The following TUBB6 variants were observed in gnomAD, a reference collection of about 807,000 sequenced individuals.
TUBB6 encodes tubulin beta-6 chain.
Under a neutral mutation model 32.3 loss-of-function variants are expected in TUBB6, and 18 were observed. The observed-to-expected ratio is 0.56, with a 90% CI of 0.39 to 0.83. TUBB6 has a LOEUF of 0.83. Among genes scored for constraint, TUBB6 ranks in the 40% least tolerant of loss-of-function variants. The probability of loss-of-function intolerance (pLI) is 0.00; values close to 1 mark genes in which losing one functional copy is unlikely to be tolerated. For synonymous variants in TUBB6, 280 were observed against 265.8 expected (o/e 1.05, Z -0.52); for missense variants, 480 against 632.0 (o/e 0.76, Z 2.58).
chr18:12,329,535 GAC>G, downstream of TUBB6: 1 of 1,599,642 alleles, frequency 6.3e-7, no homozygotes, highest in Non-Finnish European at 8.6e-7. Context: ...AACCACAGTG[GAC>G]AGACTGAGAT....
At chr18:12,329,047 A>T, downstream of TUBB6, 1 of 679,104 alleles carries the variant, frequency 1.5e-6, no homozygotes, top group South Asian at 1.5e-5. Context: ...CCTGTAGAAA[A>T]CCATTCCATT....
rs1161994319 is a variant in TUBB6 at position 12,325,568 on chromosome 18, TC to T, written c.782del (p.Pro261ArgfsTer24). The T allele has an allele frequency of 6.2e-7, 1 of 1,614,066 alleles. No homozygotes were observed. Among genetic ancestry groups the T allele is most frequent in the Non-Finnish European group, 8.5e-7 (1 of 1,180,028 alleles). On this transcript the variant is annotated frameshift_variant, in exon 4 of 4. Transcript: ENST00000317702. LOFTEE classifies it high-confidence loss of function. ...AAGCTGGCGGTGAACATGGTGCCCT[TC>T]CCGCGCCTGCACTTCTTCATGCCTG... The part of the protein sequence containing the change: ...LRKLAVNMVP[F>X]PRLHFFMPGF...
downstream of TUBB6, chr18:12,329,269 C>T: frequency 1.4e-6 from 1 of 700,410 alleles, no homozygotes; most frequent in East Asian, 2.7e-5. Flanking sequence ...GCCGACCCCA[C>T]TTGGTGCCAC....
downstream of TUBB6, chr18:12,329,129 C>G: frequency 1.4e-6 from 1 of 702,928 alleles, no homozygotes; most frequent in Non-Finnish European, 2.6e-6. Context: ...TATCAAGACT[C>G]CAATTTAATT....
At chr18:12,322,438 T>C (rs1907040945) in intron 3 of TUBB6, among the ~76,000 whole-genome samples, 1 of 151,224 alleles carries the variant, frequency 6.6e-6, no homozygotes, top group Non-Finnish European at 1.5e-5. Context: ...CACTGCAACC[T>C]CCATCTTCTA....
In TUBB6 at chr18:12,325,581, C is replaced by A; in HGVS notation, c.792C>A (p.His264Gln). ...AVNMVPFPRL[H>Q]FFMPGFAPLT... ...ACATGGTGCCCTTCCCGCGCCTGCA[C>A]TTCTTCATGCCTGGCTTCGCGCCGC... Residue 264 changes from histidine (H) to glutamine (Q), a missense_variant, in exon 4 of 4, where the codon CAC (histidine) becomes CAA (glutamine). By Grantham distance (24) the His-to-Gln change is conservative. Coordinates refer to ENST00000317702, the MANE Select transcript of TUBB6 (RefSeq NM_032525.3). The A allele has an allele frequency of 6.2e-7, 1 of 1,614,012 alleles. No individual in the cohort carries two copies. The highest frequency in any genetic ancestry group is 8.5e-7 in the Non-Finnish European group (1 of 1,179,964).
intron 3 of TUBB6, among the ~76,000 whole-genome samples, chr18:12,319,453 C>T (rs543946681): frequency 6.6e-6 from 1 of 152,150 alleles, no homozygotes; most frequent in South Asian, 2.1e-4. Context: ...GCCCTGCTGA[C>T]ATTTTTCTGT....
intron 3 of TUBB6, among the ~76,000 whole-genome samples, chr18:12,321,428 G>A (rs1369332366): frequency 1.3e-5 from 2 of 152,168 alleles, no homozygotes; most frequent in Admixed American, 6.5e-5. Flanking sequence ...TTGTGAGCAG[G>A]CCCGTGTCCC....
At chr18:12,317,153 CAAA>C (rs773323455) in intron 3 of TUBB6, among the ~76,000 whole-genome samples, 7 of 66,344 alleles carry the variant, frequency 1.1e-4, no homozygotes, top group Non-Finnish European at 9.7e-5. Context: ...GAGACCCTGT[CAAA>C]AAAAAAAAAA....
At chr18:12,317,182 A>G (rs945608622) in intron 3 of TUBB6, among the ~76,000 whole-genome samples, 3 of 151,206 alleles carry the variant, frequency 2.0e-5, no homozygotes, top group African/African-American at 7.3e-5. Flanking sequence ...AAAACTTCCC[A>G]GTTGGGCAGT....
chr18:12,312,370 G>C (rs1244777350), intron 3 of TUBB6, among the ~76,000 whole-genome samples: 1 of 152,168 alleles, frequency 6.6e-6, no homozygotes, highest in African/African-American at 2.4e-5. Flanking sequence ...ACAGTGTAAT[G>C]GTTAGGAGTC....
intron 3 of TUBB6, chr18:12,320,388 ATAAAG>A (rs1906925773): frequency 6.6e-6 from 1 of 152,194 alleles, no homozygotes; most frequent in African/African-American, 2.4e-5. Context: ...AAATGTTTTA[ATAAAG>A]TAATTTTTTT....
At chr18:12,329,716 C>T, downstream of TUBB6, 1 of 1,614,176 alleles carries the variant, frequency 6.2e-7, no homozygotes, top group Non-Finnish European at 8.5e-7. Flanking sequence ...CGCAAATGGT[C>T]TGGGGCCCAA....
At chr18:12,323,951 T>C (rs1226079931) in intron 3 of TUBB6, among the ~76,000 whole-genome samples, 1 of 152,246 alleles carries the variant, frequency 6.6e-6, no homozygotes, top group Non-Finnish European at 1.5e-5. Context: ...CAGGAATTAC[T>C]TCCTGTGCTT....
intron 3 of TUBB6, among the ~76,000 whole-genome samples, chr18:12,324,121 G>A (rs907751631): frequency 6.6e-6 from 1 of 152,178 alleles, no homozygotes; most frequent in African/African-American, 2.4e-5. Context: ...TGTAATCCCA[G>A]CACTTTGGGA....
rs1477603450 is a variant in TUBB6 at position 12,326,025 on chromosome 18, G to GAGC, written c.1238_1240dup (p.Ser413dup). 1.2e-6 allele frequency: 2 copies of GAGC among 1,614,174 alleles called. No individual in the cohort carries two copies. Among genetic ancestry groups the GAGC allele is most frequent in the African/African-American group, 2.7e-5 (2 of 75,052 alleles). On this transcript the variant is annotated inframe_insertion, in exon 4 of 4. Coordinates refer to ENST00000317702, the MANE Select transcript of TUBB6 (RefSeq NM_032525.3). ...ATGAAATGGAGTTCACCGAGGCGGA[G>GAGC]AGCAACATGAACGACCTGGTATCCG...
intron 2 of TUBB6, 36 bp from the exon 3 acceptor site, chr18:12,310,907 A>C (rs746938565): frequency 1.3e-6 from 2 of 1,491,136 alleles, no homozygotes; most frequent in Admixed American, 2.0e-5. Context: ...TAGAAACCTG[A>C]AAGTAACTCT....
At chr18:12,328,896 G>T, downstream of TUBB6, 1 of 415,730 alleles carries the variant, frequency 2.4e-6, no homozygotes, top group Non-Finnish European at 4.3e-6. Flanking sequence ...TTAATTTCTT[G>T]CCATTATGTT....
At chr18:12,328,547 G>A (rs1907410000), downstream of TUBB6, among the ~76,000 whole-genome samples, 1 of 152,228 alleles carries the variant, frequency 6.6e-6, no homozygotes, top group South Asian at 2.1e-4. Flanking sequence ...CAGAGAGCCA[G>A]GGCCCAGGGG....
Sources: gnomAD v4.1 joint callset for allele counts (sites outside exome capture counted in the v4.1 genomes callset) on GRCh38, gnomAD v4.1.1 for gene constraint, MANE v1.5 for transcripts, NCBI Gene and HGNC (gene_info 2026-07-23, HGNC 2026-07-21) for gene names.